The following EZR variants were observed in gnomAD, a reference collection of about 807,000 sequenced individuals.
The protein encoded by EZR is ezrin, also known as cytovillin 2.
Under a neutral mutation model 74.8 loss-of-function variants are expected in EZR, and 40 were observed. The observed-to-expected ratio is 0.53, with a 90% confidence interval of 0.42 to 0.70. The LOEUF (loss-of-function observed/expected upper bound fraction) is 0.70, where lower values mean the gene tolerates loss of function less well. Ranked by LOEUF, EZR falls within the 30% of genes least tolerant of loss-of-function variation. The probability of loss-of-function intolerance (pLI) is 0.00; values close to 1 mark genes in which losing one functional copy is unlikely to be tolerated. For missense variants in EZR, 678 were observed against 755.8 expected (o/e 0.90, Z 1.21); for synonymous variants, 341 against 283.3 (o/e 1.20, Z -2.05).
chr6:158,798,635 T>G (rs1360797576), intron 2 of EZR, among the ~76,000 whole-genome samples: 2 of 150,416 alleles, frequency 1.3e-5, no homozygotes, highest in African/African-American at 2.4e-5. Context: ...TTTTTTTTTT[T>G]TTTTTTTTTT....
chr6:158,790,258 C>T (rs1791701878), intron 2 of EZR, among the ~76,000 whole-genome samples: 1 of 152,106 alleles, frequency 6.6e-6, no homozygotes, highest in South Asian at 2.1e-4. Context: ...TCTGTTTAGA[C>T]AAGACATGAA....
chr6:158,776,924 A>T (rs1791296014), intron 7 of EZR, among the ~76,000 whole-genome samples: 3 of 151,978 alleles, frequency 2.0e-5, no homozygotes, highest in Non-Finnish European at 4.4e-5. Flanking sequence ...GAGCAGCCCT[A>T]CTTTCAGTCT....
At chr6:158,818,408 G>A (rs1272768665) in intron 1 of EZR, among the ~76,000 whole-genome samples, 1 of 151,042 alleles carries the variant, frequency 6.6e-6, no homozygotes, top group East Asian at 2.0e-4. Context: ...GCAGCCGGCG[G>A]GCACTGGAGG....
At chr6:158,769,490 C>G (rs2128564354) in intron 11 of EZR, 72 bp from the exon 12 acceptor site, 1 of 1,467,852 alleles carries the variant, frequency 6.8e-7, no homozygotes, top group Non-Finnish European at 9.4e-7. Flanking sequence ...AATGAGTGTT[C>G]ATGTGTGTTG....
At position 158,798,627 on chromosome 6, in the gene EZR, T is replaced by C. The variant is rs1346798896; in HGVS notation, c.13-9256A>G. Among the ~76,000 whole-genome samples, 5 of 116,780 alleles carry C rather than the reference T, an allele frequency of 4.3e-5. 1 individual carries two copies. Among genetic ancestry groups the C allele is most frequent in the African/African-American group, 1.6e-4 (5 of 31,608 alleles). The allele number at this position is 116,780 out of a possible 152,430, so 76.6% of individuals were successfully genotyped here. ...GGACTTAGTTTGCTGCTCCGCTTTT[T>C]TTTTTTTTTTTTTTTTTTTTGAGAA... On this transcript the variant is annotated intron_variant, in intron 2 of 13. Transcript: ENST00000367075.
chr6:158,791,924 G>C (rs1375005434), intron 2 of EZR, among the ~76,000 whole-genome samples: 2 of 151,786 alleles, frequency 1.3e-5, no homozygotes, highest in Non-Finnish European at 2.9e-5. Flanking sequence ...TAGCCAGGAT[G>C]GTCTCAATCT....
At chr6:158,801,715 G>A (rs1334522194) in intron 2 of EZR, among the ~76,000 whole-genome samples, 6 of 152,180 alleles carry the variant, frequency 3.9e-5, no homozygotes, top group African/African-American at 1.4e-4. Context: ...TCACAACCCT[G>A]ATAACCACTA....
chr6:158,807,329 A>AGC, intron 2 of EZR, among the ~76,000 whole-genome samples: 1 of 149,398 alleles, frequency 6.7e-6, no homozygotes, highest in South Asian at 2.1e-4. Context: ...AAAAAAAAAA[A>AGC]AAACAAACAA....
chr6:158,792,729 G>A (rs1167792700), intron 2 of EZR, among the ~76,000 whole-genome samples: 1 of 151,530 alleles, frequency 6.6e-6, no homozygotes, highest in African/African-American at 2.4e-5. Context: ...GCAGGAGAAT[G>A]GCATCAACCC....
At chr6:158,799,390 C>T (rs1379288674) in intron 2 of EZR, among the ~76,000 whole-genome samples, 1 of 152,142 alleles carries the variant, frequency 6.6e-6, no homozygotes, top group Non-Finnish European at 1.5e-5. Flanking sequence ...ATCAGGAAAA[C>T]GCAAAAGGAC....
rs565016008 is a variant in EZR at position 158,775,312 on chromosome 6, G to A, written c.795+1096C>T. Among the ~76,000 whole-genome samples, 140 of 152,246 alleles carry A rather than the reference G, an allele frequency of 9.2e-4. 1 individual carries two copies. The highest frequency in any genetic ancestry group is 2.5e-3 in the African/African-American group (104 of 41,536). ...CTCCCAAGGTCCTGGGATTACAGGC[G>A]TGAGCCACTGAGCCTGGCCAAGACG... On this transcript the variant is annotated intron_variant, in intron 8 of 13. Transcript: ENST00000367075.
intron 2 of EZR, among the ~76,000 whole-genome samples, chr6:158,791,082 C>A (rs1791731745): frequency 6.6e-6 from 1 of 152,194 alleles, no homozygotes; most frequent in African/African-American, 2.4e-5. Context: ...ATTAGTCTCC[C>A]CAGCCGCTCC....
chr6:158,770,835 A>G lies in EZR; in HGVS notation c.1019T>C (p.Met340Thr). The G allele has an allele frequency of 6.2e-7, 1 of 1,614,148 alleles. No homozygotes were observed. Among genetic ancestry groups the G allele is most frequent in the Non-Finnish European group, 8.5e-7 (1 of 1,180,028 alleles). ...RETVEREKEQ[M>T]MREKEELMLR... ...CATCAACTCCTCCTTCTCGCGCATC[A>G]TCTGCTCTTTCTCTCTCTCCACGGT... Residue 340 changes from methionine (M) to threonine (T), a missense_variant, in exon 10 of 14, where the codon ATG becomes ACG. Met to Thr is a moderately conservative substitution (Grantham distance 81). Around this residue, in one of 3 missense-constraint regions of EZR, gnomAD observed 342 missense variants for 341.2 expected, o/e 1.00. Transcript: ENST00000367075.
chr6:158,799,814 CTCT>C (rs1438014069), intron 2 of EZR, among the ~76,000 whole-genome samples: 1 of 152,212 alleles, frequency 6.6e-6, no homozygotes, highest in Non-Finnish European at 1.5e-5. Flanking sequence ...TTTTTTAAAG[CTCT>C]TCTTTCTCCC....
chr6:158,793,887 A>G (rs1791806782), intron 2 of EZR, among the ~76,000 whole-genome samples: 1 of 152,274 alleles, frequency 6.6e-6, no homozygotes, highest in Admixed American at 6.5e-5. Context: ...AATACAGCAT[A>G]AGCTTTCACC....
chr6:158,817,070 G>T (rs140070522), intron 2 of EZR, among the ~76,000 whole-genome samples: 131 of 152,238 alleles, frequency 8.6e-4, no homozygotes, highest in African/African-American at 2.9e-3. Flanking sequence ...GGGCCACAGA[G>T]AGAGACTCCG....
chr6:158,769,371 C>G lies in EZR; in HGVS notation c.1299G>C (p.Glu433Asp). The G allele has an allele frequency of 6.2e-7, 1 of 1,609,448 alleles. No homozygotes were observed. Among genetic ancestry groups the G allele is most frequent in the Non-Finnish European group, 8.5e-7 (1 of 1,180,016 alleles). Residue 433 changes from glutamate (E) to aspartate (D), a missense_variant, in exon 12 of 14, where the codon GAG becomes GAC. Glu to Asp is a conservative substitution (Grantham distance 45). Coordinates refer to ENST00000367075, the MANE Select transcript of EZR (RefSeq NM_001111077.2). The part of the protein sequence containing the change: ...EYTAKIALLE[E>D]ARRRKEDEVE... ...CTTCATCCTCCTTGCGCCTCCGCGCCTCTTCCAGGAGGGCAATCTTGGCAG... is the reference window on the plus strand; with the variant it reads ...CTTCATCCTCCTTGCGCCTCCGCGCGTCTTCCAGGAGGGCAATCTTGGCAG...
chr6:158,770,358 G>C (rs968059962), intron 10 of EZR, among the ~76,000 whole-genome samples: 1 of 152,206 alleles, frequency 6.6e-6, no homozygotes, highest in African/African-American at 2.4e-5. Context: ...GTTGTTGACT[G>C]GAGCTGTGCT....
chr6:158,814,384 T>A (rs147674025), intron 2 of EZR, among the ~76,000 whole-genome samples: 727 of 28,324 alleles, frequency 0.026, 4 homozygotes, highest in African/African-American at 0.17. Flanking sequence ...GATTTTCCTC[T>A]CGACGTTACC....
Sources: gnomAD v4.1 joint callset for allele counts (sites outside exome capture counted in the v4.1 genomes callset) on GRCh38, gnomAD v4.1.1 for gene constraint, gnomAD v4.1.1 regional missense constraint, MANE v1.5 for transcripts, NCBI Gene and HGNC (gene_info 2026-07-23, HGNC 2026-07-21) for gene names.